The following RGS6 variants were observed in gnomAD, a reference collection of about 807,000 sequenced individuals.
The protein encoded by RGS6 is regulator of G protein signaling 6, also known as regulator of G-protein signaling 6.
In RGS6, 30 loss-of-function variants were observed where a neutral mutation model predicts 78.5. The ratio of observed to expected loss-of-function variants is 0.38; its 90% CI spans 0.29 to 0.52. The LOEUF is 0.52. RGS6 is among the 20% of genes least tolerant of loss of function. The probability of loss-of-function intolerance (pLI) is 0.85; values close to 1 mark genes in which losing one functional copy is unlikely to be tolerated. For synonymous variants in RGS6, 206 were observed against 206.0 expected (o/e 1.00, Z 0.00); for missense variants, 495 against 609.7 (o/e 0.81, Z 1.98).
chr14:72,151,581 A>G (rs2096687583), intron 2 of RGS6, among the ~76,000 whole-genome samples: 1 of 152,112 alleles, frequency 6.6e-6, no homozygotes, highest in African/African-American at 2.4e-5. Context: ...CTGAATCTCT[A>G]GCTGTGTGCT....
At chr14:72,055,118 A>G (rs2093552994) in intron 2 of RGS6, among the ~76,000 whole-genome samples, 1 of 152,184 alleles carries the variant, frequency 6.6e-6, no homozygotes, top group Non-Finnish European at 1.5e-5. Context: ...GCATGTGCCG[A>G]GGTTTCCCTT....
chr14:72,178,929 C>T (rs2097139848), intron 2 of RGS6, among the ~76,000 whole-genome samples: 1 of 152,178 alleles, frequency 6.6e-6, no homozygotes, highest in African/African-American at 2.4e-5. Flanking sequence ...GGGGAAAGTC[C>T]CCGCCTTGGG....
chr14:71,877,840 G>T, the RGS6 span, among the ~76,000 whole-genome samples: 1 of 152,126 alleles, frequency 6.6e-6, no homozygotes, highest in African/African-American at 2.4e-5. Flanking sequence ...ATTTGATGAT[G>T]GTGACATACA....
chr14:72,604,771 G>A, the RGS6 span, among the ~76,000 whole-genome samples: 1,554 of 152,272 alleles, frequency 0.01, 24 homozygotes, highest in African/African-American at 0.036. Flanking sequence ...TCTGTTTTGG[G>A]TTGAGCCTGT....
intron 13 of RGS6, among the ~76,000 whole-genome samples, chr14:72,509,539 G>C (rs555095266): frequency 5.9e-5 from 9 of 152,272 alleles, no homozygotes; most frequent in Non-Finnish European, 1.0e-4. Context: ...CAGTTGTGAG[G>C]ACTCAGTGGG....
chr14:72,453,354 G>A (rs1240250112), intron 3 of RGS6, among the ~76,000 whole-genome samples: 1 of 151,968 alleles, frequency 6.6e-6, no homozygotes, highest in Non-Finnish European at 1.5e-5. Flanking sequence ...GGTGGCTCAT[G>A]CCTGTAATCC....
At chr14:72,317,475 G>C (rs988572309) in intron 2 of RGS6, among the ~76,000 whole-genome samples, 10 of 152,104 alleles carry the variant, frequency 6.6e-5, no homozygotes, top group Non-Finnish European at 1.5e-4. Context: ...GTGCACGTTT[G>C]CCTCGACTCT....
intron 2 of RGS6, among the ~76,000 whole-genome samples, chr14:72,341,558 A>T (rs979490020): frequency 2.7e-4 from 41 of 152,278 alleles, no homozygotes; most frequent in African/African-American, 9.9e-4. Context: ...TTGTGGGTGG[A>T]TGAAGTCCAT....
chr14:72,013,363 TTTTC>T lies in RGS6; in HGVS notation c.84+48489_84+48492del, dbSNP rs2086262336. Among the ~76,000 whole-genome samples the T allele has an allele frequency of 3.6e-4, 4 of 11,136 alleles. No homozygotes were observed. The Admixed American group carries it at 4.7e-3, about 13-fold the overall frequency. 7.3% of individuals were successfully genotyped at this position (11,136 alleles called of 152,430 possible). A position where few individuals can be genotyped will look rare whatever the true frequency, so the allele number is the denominator to read the frequency against. ...GGTGAATGACACATTAATGACTCCA[TTTTC>T]CATTTGATCAGTTCTTACATCCAGG... On this transcript the variant is annotated intron_variant, in intron 2 of 17. Transcript: ENST00000553525.
intron 2 of RGS6, among the ~76,000 whole-genome samples, chr14:72,236,518 T>C (rs2051089066): frequency 6.6e-6 from 1 of 152,140 alleles, no homozygotes; most frequent in Non-Finnish European, 1.5e-5. Flanking sequence ...CAGACATTCT[T>C]TTTTTTTCTC....
intron 3 of RGS6, among the ~76,000 whole-genome samples, chr14:72,403,791 G>A (rs1329365982): frequency 6.6e-6 from 1 of 152,132 alleles, no homozygotes; most frequent in Admixed American, 6.5e-5. Context: ...TCCCAAAGTG[G>A]TCAAAGCAAT....
chr14:72,098,253 G>A (rs1267956271), intron 2 of RGS6, among the ~76,000 whole-genome samples: 2 of 152,168 alleles, frequency 1.3e-5, no homozygotes, highest in Non-Finnish European at 2.9e-5. Context: ...TTCTCTCAGA[G>A]CCCTCTGGTA....
At chr14:72,429,165 G>A (rs1396428522) in intron 3 of RGS6, among the ~76,000 whole-genome samples, 1 of 152,174 alleles carries the variant, frequency 6.6e-6, no homozygotes, top group Non-Finnish European at 1.5e-5. Context: ...TCATGCCACT[G>A]CACTCAAGCC....
At chr14:71,987,673 C>T (rs1320447083) in intron 2 of RGS6, among the ~76,000 whole-genome samples, 2 of 152,116 alleles carry the variant, frequency 1.3e-5, no homozygotes, top group Non-Finnish European at 2.9e-5. Flanking sequence ...GCATGCACCA[C>T]CACACCTGGC....
chr14:72,137,740 G>C (rs1245063131), intron 2 of RGS6, among the ~76,000 whole-genome samples: 1 of 152,192 alleles, frequency 6.6e-6, no homozygotes, highest in Non-Finnish European at 1.5e-5. Flanking sequence ...CATGGAATTG[G>C]GGAACACTAC....
intron 2 of RGS6, among the ~76,000 whole-genome samples, chr14:72,032,782 A>T (rs953062824): frequency 6.6e-6 from 1 of 152,116 alleles, no homozygotes; most frequent in Non-Finnish European, 1.5e-5. Flanking sequence ...TTATTGCCAG[A>T]TTTCCTTCTT....
At chr14:72,347,609 A>G (rs1002231659) in intron 2 of RGS6, among the ~76,000 whole-genome samples, 2 of 152,226 alleles carry the variant, frequency 1.3e-5, no homozygotes, top group East Asian at 1.9e-4. Context: ...TGAGAATTCA[A>G]TAATTTTATA....
intron 6 of RGS6, among the ~76,000 whole-genome samples, chr14:72,465,545 G>GCTGT (rs1390611827): frequency 3.7e-5 from 3 of 80,806 alleles, no homozygotes; most frequent in African/African-American, 1.4e-4. Flanking sequence ...GGGTGGGCGG[G>GCTGT]CTGTCTGGAT....
At chr14:72,262,028 A>T (rs1594953166) in intron 2 of RGS6, among the ~76,000 whole-genome samples, 1 of 152,080 alleles carries the variant, frequency 6.6e-6, no homozygotes, top group East Asian at 1.9e-4. Context: ...TTAACCTACA[A>T]CATCTTGGAT....
Sources: allele counts gnomAD v4.1 joint callset (sites outside exome capture counted in the v4.1 genomes callset), GRCh38; gene constraint gnomAD v4.1.1; transcripts MANE v1.5; gene names NCBI Gene and HGNC (gene_info 2026-07-23, HGNC 2026-07-21).